The following PRKCZ variants were observed in gnomAD, a reference collection of about 807,000 sequenced individuals.
PRKCZ encodes the protein protein kinase C zeta, also known as protein kinase C zeta type.
PRKCZ carries 33 observed loss-of-function variants against 79.5 expected under a neutral mutation model. The ratio of observed to expected loss-of-function variants is 0.41; its 90% CI spans 0.31 to 0.55. PRKCZ has a LOEUF of 0.55. PRKCZ is among the 20% of genes least tolerant of loss of function. PRKCZ has a pLI of 0.19. For synonymous variants in PRKCZ, 342 were observed against 320.9 expected (o/e 1.07, Z -0.70); for missense variants, 578 against 813.5 (o/e 0.71, Z 3.52).
At chr1:2,059,838 G>C (rs948568734) in intron 4 of PRKCZ, among the ~76,000 whole-genome samples, 1 of 152,192 alleles carries the variant, frequency 6.6e-6, no homozygotes, top group Non-Finnish European at 1.5e-5. Context: ...GTCCAGGGGT[G>C]CCCTGCCGTC....
At chr1:2,146,433 A>G (rs2257684) in intron 7 of PRKCZ, among the ~76,000 whole-genome samples, 52,238 of 152,110 alleles carry the variant, frequency 0.34, 9,276 homozygotes, top group South Asian at 0.41. Context: ...TTAGTGCAGC[A>G]GCCACCATGG....
rs1204984475 is a variant in PRKCZ, at chr1:2,174,132, G to T, written c.1405+116G>T. 2 of 1,325,176 alleles carry T rather than the reference G, an allele frequency of 1.5e-6. No homozygotes were observed. Among genetic ancestry groups the T allele is most frequent in the East Asian group, 2.8e-5 (1 of 35,340 alleles). The allele number at this position is 1,325,176 out of a possible 1,614,324, so 82.1% of individuals were successfully genotyped here. The stretch of plus-strand genomic sequence containing the variant: ...CTGGAGCGGCAGTGCCATGCAAAGC[G>T]TACCGGGAACCATTCCTCCTGGCCA... On this transcript the variant is annotated intron_variant, in intron 14 of 17. Transcript: ENST00000378567. The surrounding 1 kb of genome is among the most constrained non-coding windows in gnomAD (Gnocchi z 6.2).
At chr1:2,164,956 G>GGGGCTGT (rs1226595672) in intron 10 of PRKCZ, among the ~76,000 whole-genome samples, 1 of 152,158 alleles carries the variant, frequency 6.6e-6, no homozygotes, top group Non-Finnish European at 1.5e-5. Context: ...AGGAAGGTGA[G>GGGGCTGT]GGGCTGCCTC....
In PRKCZ at chr1:2,172,849, G is replaced by A. The variant is rs1684697777; in HGVS notation, c.1285+461G>A. ...CTCCCCTCTCTGGGCGTGAAACGGG[G>A]ACATGGGCACGCGTGTGCAGCCGTG... On this transcript the variant is annotated intron_variant, in intron 13 of 17. Coordinates refer to ENST00000378567, the MANE Select transcript of PRKCZ (RefSeq NM_002744.6). This position sits in a 1 kb window ranked among gnomAD's most constrained non-coding sequence, Gnocchi z 7.8. 6.6e-6 allele frequency among the ~76,000 whole-genome samples: 1 copy of A among 152,216 alleles called. No individual in the cohort carries two copies. The highest frequency in any genetic ancestry group is 2.1e-4 in the South Asian group (1 of 4,834).
chr1:2,097,594 C>T (rs78674591), intron 4 of PRKCZ, among the ~76,000 whole-genome samples: 1,586 of 152,104 alleles, frequency 0.01, 27 homozygotes, highest in African/African-American at 0.036. Context: ...CCATGCACCC[C>T]GGAAGGCACG....
intron 5 of PRKCZ, chr1:2,141,835 A>G (rs1677383544): frequency 8.6e-6 from 2 of 232,300 alleles, no homozygotes; most frequent in African/African-American, 2.3e-5. Flanking sequence ...TGCGCTGTGG[A>G]CGCGGAGGAG....
chr1:2,182,620 C>G (rs920938290), intron 16 of PRKCZ: 1 of 154,874 alleles, frequency 6.5e-6, no homozygotes, highest in Non-Finnish European at 1.5e-5. Flanking sequence ...GGCTGCATTT[C>G]TTTTCACCAG....
intron 9 of PRKCZ, 111 bp downstream of exon 9, chr1:2,151,089 C>CG (rs1397804460): frequency 7.6e-7 from 1 of 1,311,840 alleles, no homozygotes; most frequent in Admixed American, 2.6e-5. Context: ...CTCACGTTGA[C>CG]GGAGTTTGTG....
chr1:2,086,902 C>A (rs941534135), intron 4 of PRKCZ, among the ~76,000 whole-genome samples: 2 of 152,206 alleles, frequency 1.3e-5, no homozygotes, highest in Non-Finnish European at 2.9e-5. Context: ...CAGGGCTTCT[C>A]AGCATTCTTT....
intron 10 of PRKCZ, among the ~76,000 whole-genome samples, chr1:2,166,675 G>GC (rs138176355): frequency 2.3e-4 from 34 of 150,246 alleles, no homozygotes; most frequent in African/African-American, 6.9e-4. Flanking sequence ...GGCAGCCTCA[G>GC]CCCCCCCCAG....
intron 2 of PRKCZ, 38 bp downstream of exon 2, chr1:2,055,600 CAG>C (rs759523878): frequency 1.1e-5 from 18 of 1,593,652 alleles, no homozygotes; most frequent in Admixed American, 1.7e-5. Flanking sequence ...TCCTCAGCCT[CAG>C]GGGACTTCGC....
rs368825679 is a variant in PRKCZ at position 2,147,711 on chromosome 1, A to G, written c.635-1161A>G. Among the ~76,000 whole-genome samples, 38 of 133,102 alleles carry G rather than the reference A, an allele frequency of 2.9e-4. 1 individual carries two copies. In the South Asian group the frequency reaches 9.2e-3, roughly 32 times the overall value. The allele number at this position is 133,102 out of a possible 152,430, so 87.3% of individuals were successfully genotyped here. A position where few individuals can be genotyped will look rare whatever the true frequency, so the allele number is the denominator to read the frequency against. On this transcript the variant is annotated intron_variant, in intron 7 of 17. Transcript: ENST00000378567. ...CTGTTGTCCACTGACCTGTCCACCC[A>G]TCTGTCTGTTGTCCACTGACCTCTC...
chr1:2,078,393 A>G (rs1273750393), intron 4 of PRKCZ, among the ~76,000 whole-genome samples: 1 of 152,200 alleles, frequency 6.6e-6, no homozygotes, highest in Non-Finnish European at 1.5e-5. Context: ...TTTCGAAGGG[A>G]TCGCTCTACT....
intron 4 of PRKCZ, among the ~76,000 whole-genome samples, chr1:2,059,961 T>C (rs1660521902): frequency 6.6e-6 from 1 of 152,210 alleles, no homozygotes; most frequent in Admixed American, 6.5e-5. Context: ...TGCTGGCCCC[T>C]GAGCTGGTGT....
chr1:2,099,003 C>G (rs931331998), intron 4 of PRKCZ, among the ~76,000 whole-genome samples: 1 of 152,080 alleles, frequency 6.6e-6, no homozygotes, highest in African/African-American at 2.4e-5. Flanking sequence ...TTTTACTGCT[C>G]TGGGCCTGAT....
At chr1:2,139,733 A>G (rs1334376390) in intron 5 of PRKCZ, among the ~76,000 whole-genome samples, 1 of 152,228 alleles carries the variant, frequency 6.6e-6, no homozygotes, top group Non-Finnish European at 1.5e-5. Context: ...CGATGTTCCC[A>G]TCCTGCCTCT....
chr1:2,122,588 T>C, intron 4 of PRKCZ, among the ~76,000 whole-genome samples: 1 of 10,332 alleles, frequency 9.7e-5, no homozygotes, highest in Non-Finnish European at 1.5e-4. Context: ...AGGGTTGTGG[T>C]GGTTAGGGTC....
At position 2,172,696 on chromosome 1, in the gene PRKCZ, C is replaced by T. The variant is rs1409226149; in HGVS notation, c.1285+308C>T. Among the ~76,000 whole-genome samples the T allele has an allele frequency of 6.6e-6, 1 of 152,142 alleles. No homozygotes were observed. Among genetic ancestry groups the T allele is most frequent in the Non-Finnish European group, 1.5e-5 (1 of 68,012 alleles). On this transcript the variant is annotated intron_variant, in intron 13 of 17. Coordinates refer to ENST00000378567, the MANE Select transcript of PRKCZ (RefSeq NM_002744.6). This position sits in a 1 kb window ranked among gnomAD's most constrained non-coding sequence, Gnocchi z 7.8. ...GGACAGGGTGCAGCACCTGAGTCCC[C>T]GTGCTGCACGAGTGGCTGGGGGAGA...
intron 4 of PRKCZ, among the ~76,000 whole-genome samples, chr1:2,062,191 C>T (rs1302546991): frequency 6.6e-6 from 1 of 152,176 alleles, no homozygotes. Flanking sequence ...TTACAACTAT[C>T]ATCTCTATGT....
Sources: allele counts gnomAD v4.1 joint callset (sites outside exome capture counted in the v4.1 genomes callset), GRCh38; gene constraint gnomAD v4.1.1; non-coding constraint Gnocchi (gnomAD v3.1); transcripts MANE v1.5; gene names NCBI Gene and HGNC (gene_info 2026-07-23, HGNC 2026-07-21).